JAKMIP2: variants seen among roughly 807,000 people sequenced by gnomAD.
JAKMIP2 encodes janus kinase and microtubule-interacting protein 2.
A neutral mutation model predicts 115.0 loss-of-function variants in JAKMIP2; 25 were observed. The observed-to-expected ratio is 0.22, with a 90% CI of 0.16 to 0.30. The LOEUF is 0.30. Ranked by LOEUF, JAKMIP2 falls within the 10% of genes least tolerant of loss-of-function variation. The pLI, the probability that JAKMIP2 is intolerant of heterozygous loss-of-function variation, is 1.00. For synonymous variants in JAKMIP2, 334 were observed against 343.6 expected (o/e 0.97, Z 0.31); for missense variants, 642 against 957.6 (o/e 0.67, Z 4.35).
At chr5:147,769,114 T>C (rs1755255318) in intron 1 of JAKMIP2, among the ~76,000 whole-genome samples, 1 of 152,098 alleles carries the variant, frequency 6.6e-6, no homozygotes, top group Non-Finnish European at 1.5e-5. Flanking sequence ...GGTTGTCAAA[T>C]GATCAGAACT....
chr5:147,772,178 G>A (rs966477963), intron 1 of JAKMIP2, among the ~76,000 whole-genome samples: 8 of 151,930 alleles, frequency 5.3e-5, no homozygotes, highest in Admixed American at 1.3e-4. Flanking sequence ...TGAAAAAAAC[G>A]CCTTAGTCTA....
chr5:147,628,942 T>C lies in JAKMIP2; in HGVS notation c.1930-126A>G. On this transcript the variant is annotated intron_variant, in intron 15 of 21. Transcript: ENST00000616793. The stretch of plus-strand genomic sequence containing the variant: ...TGTATAGAAACTTAACAAATTCCTA[T>C]TCTGTTTAGTAATAATTCTGAACAA... The C allele has an allele frequency of 4.9e-6, 3 of 611,742 alleles. No homozygotes were observed. The South Asian group carries it at 6.8e-5, about 14-fold the overall frequency. The allele number at this position is 611,742 out of a possible 1,614,324, so 37.9% of individuals were successfully genotyped here.
chr5:147,777,606 G>A (rs943251007), intron 1 of JAKMIP2, among the ~76,000 whole-genome samples: 3 of 152,152 alleles, frequency 2.0e-5, no homozygotes, highest in Non-Finnish European at 4.4e-5. Context: ...TTTCCATAAT[G>A]AGGATGTGTT....
intron 1 of JAKMIP2, among the ~76,000 whole-genome samples, chr5:147,704,973 C>T (rs748169907): frequency 9.9e-5 from 15 of 152,144 alleles, no homozygotes; most frequent in Non-Finnish European, 7.4e-5. Context: ...AAGGTACAAG[C>T]AAACATCTGC....
intron 1 of JAKMIP2, among the ~76,000 whole-genome samples, chr5:147,746,840 C>A (rs1754362796): frequency 6.6e-6 from 1 of 152,102 alleles, no homozygotes; most frequent in Non-Finnish European, 1.5e-5. Flanking sequence ...CACTGGTTTC[C>A]TTTAACACAG....
intron 19 of JAKMIP2, among the ~76,000 whole-genome samples, chr5:147,616,260 C>T (rs2126640572): frequency 6.6e-6 from 1 of 152,216 alleles, no homozygotes; most frequent in African/African-American, 2.4e-5. Context: ...TTCTATGAAA[C>T]TCAGCTATTA....
chr5:147,776,433 C>T (rs1755558440), intron 1 of JAKMIP2, among the ~76,000 whole-genome samples: 1 of 152,192 alleles, frequency 6.6e-6, no homozygotes, highest in Admixed American at 6.5e-5. Flanking sequence ...CTTGCTTTCT[C>T]TTCTGCCATG....
At chr5:147,633,127 T>C (rs755540091) in intron 12 of JAKMIP2, among the ~76,000 whole-genome samples, 2 of 152,208 alleles carry the variant, frequency 1.3e-5, no homozygotes, top group African/African-American at 2.4e-5. Flanking sequence ...GAGGGACTGA[T>C]ACTTCTCATT....
At position 147,628,578 on chromosome 5, in the gene JAKMIP2, T is replaced by G. The variant is rs566715872; in HGVS notation, c.1995+173A>C. ...ACCCATCCCAAATCAGTGTATAGAC[T>G]TTTCGTTTGGGTGTTCTCATTCTAT... On this transcript the variant is annotated intron_variant, in intron 16 of 21. Transcript: ENST00000616793. 9.9e-5 allele frequency among the ~76,000 whole-genome samples: 15 copies of G among 152,238 alleles called. No homozygotes were observed. The South Asian group carries it at 2.7e-3, about 27-fold the overall frequency.
intron 2 of JAKMIP2, 34 bp downstream of exon 2, chr5:147,671,644 C>T (rs1759596707): frequency 2.2e-6 from 3 of 1,368,018 alleles, no homozygotes; most frequent in Non-Finnish European, 1.9e-6. Flanking sequence ...CAGAGCTGCT[C>T]TTAATGCCAC....
intron 3 of JAKMIP2, among the ~76,000 whole-genome samples, chr5:147,656,432 A>G (rs1014092106): frequency 6.6e-6 from 1 of 152,190 alleles, no homozygotes; most frequent in African/African-American, 2.4e-5. Flanking sequence ...TCCCTTTACC[A>G]TTATGTAATG....
At chr5:147,716,377 G>A (rs1217517682) in intron 1 of JAKMIP2, among the ~76,000 whole-genome samples, 3,397 of 145,616 alleles carry the variant, frequency 0.023, 142 homozygotes, top group African/African-American at 0.083. Flanking sequence ...GGATGGCTGG[G>A]TCAAATGGTA....
At chr5:147,647,823 G>A (rs1334683763) in intron 5 of JAKMIP2, among the ~76,000 whole-genome samples, 2 of 151,932 alleles carry the variant, frequency 1.3e-5, no homozygotes, top group Non-Finnish European at 2.9e-5. Flanking sequence ...ACCAGAAATG[G>A]GCATATTTTT....
chr5:147,662,577 G>T (rs1414969923), intron 2 of JAKMIP2, among the ~76,000 whole-genome samples: 1 of 151,956 alleles, frequency 6.6e-6, no homozygotes, highest in African/African-American at 2.4e-5. Context: ...CTGTTATGCT[G>T]TCCTCCTCCC....
intron 1 of JAKMIP2, among the ~76,000 whole-genome samples, chr5:147,695,310 T>C (rs1003413855): frequency 3.3e-5 from 5 of 152,198 alleles, no homozygotes; most frequent in Non-Finnish European, 7.3e-5. Flanking sequence ...ATTGCCCGGC[T>C]TCCTTCCACA....
At chr5:147,596,057 A>G (rs1214639978) in intron 21 of JAKMIP2, among the ~76,000 whole-genome samples, 1 of 152,220 alleles carries the variant, frequency 6.6e-6, no homozygotes, top group Non-Finnish European at 1.5e-5. Flanking sequence ...CTGTGCACCA[A>G]GTCAGCTTGG....
intron 1 of JAKMIP2, among the ~76,000 whole-genome samples, chr5:147,733,206 C>T (rs1037133462): frequency 1.1e-4 from 16 of 152,088 alleles, no homozygotes; most frequent in African/African-American, 3.6e-4. Flanking sequence ...AAATGTTACT[C>T]ATGATAATAT....
At chr5:147,633,694 A>ATTTTT (rs746793113) in intron 12 of JAKMIP2, among the ~76,000 whole-genome samples, 1 of 133,746 alleles carries the variant, frequency 7.5e-6, no homozygotes, top group African/African-American at 2.8e-5. Context: ...TTATCTTTGG[A>ATTTTT]TTTTTTTTTT....
intron 5 of JAKMIP2, 60 bp downstream of exon 5, chr5:147,648,316 T>C (rs1277291977): frequency 7.1e-6 from 6 of 846,380 alleles, no homozygotes; most frequent in Admixed American, 7.0e-5. Context: ...TAACATAGTA[T>C]GTAATTCTGT....
Sources: allele counts gnomAD v4.1 joint callset (sites outside exome capture counted in the v4.1 genomes callset), GRCh38; gene constraint gnomAD v4.1.1; transcripts MANE v1.5; gene names NCBI Gene and HGNC (gene_info 2026-07-23, HGNC 2026-07-21).